ZNF624: variants seen among roughly 807,000 people sequenced by gnomAD.
ZNF624 encodes the protein zinc finger protein 624.
Under a neutral mutation model 74.7 loss-of-function variants are expected in ZNF624, and 43 were observed. That is an observed-to-expected ratio of 0.58 (90% CI 0.45 to 0.74). The LOEUF (loss-of-function observed/expected upper bound fraction) is 0.74. ZNF624 is among the 30% of genes least tolerant of loss of function. ZNF624 has a pLI of 0.00. For missense variants in ZNF624, 820 were observed against 1,030.0 expected (o/e 0.80, Z 2.79); for synonymous variants, 331 against 341.3 (o/e 0.97, Z 0.33).
At chr17:16,635,832 G>C (rs1332705208) in intron 3 of ZNF624, among the ~76,000 whole-genome samples, 1 of 150,218 alleles carries the variant, frequency 6.7e-6, no homozygotes, top group East Asian at 2.0e-4. Context: ...CCATAGTTCT[G>C]AGTTTGAATA....
chr17:16,634,703 C>T lies in ZNF624; in HGVS notation c.207G>A (p.Arg69=), dbSNP rs746938907. The T allele has an allele frequency of 6.2e-7, 1 of 1,613,832 alleles. No individual in the cohort carries two copies. The highest frequency in any genetic ancestry group is 8.5e-7 in the Non-Finnish European group (1 of 1,179,774). The part of the protein sequence containing the change: ...VAIDFTLEEW[R]LMDPTQRNLH... ...GGTTCCTCTGTGTAGGGTCCATCAACCTCCACTCCTCCAATGTGAAGTCTA... is the reference window on the plus strand; with the variant it reads ...GGTTCCTCTGTGTAGGGTCCATCAATCTCCACTCCTCCAATGTGAAGTCTA... Residue 69 remains arginine (R), a synonymous_variant, in exon 4 of 6, where the codon AGG becomes AGA. Coordinates refer to ENST00000311331, the MANE Select transcript of ZNF624 (RefSeq NM_020787.4).
intron 1 of ZNF624, chr17:16,653,478 C>T (rs1027673368): frequency 8.5e-5 from 13 of 152,396 alleles, no homozygotes; most frequent in Non-Finnish European, 1.5e-4. Context: ...GCGCCCGGCT[C>T]TTTTTAACCC....
intron 5 of ZNF624, chr17:16,631,726 GAA>G (rs1346445598): frequency 6.6e-6 from 1 of 150,978 alleles, no homozygotes; most frequent in Admixed American, 6.6e-5. Context: ...CTGTCTCAAA[GAA>G]AAAAAAGAGT....
chr17:16,641,706 A>G (rs1227469274), intron 3 of ZNF624, among the ~76,000 whole-genome samples: 1 of 152,242 alleles, frequency 6.6e-6, no homozygotes, highest in Non-Finnish European at 1.5e-5. Context: ...CAAATGATAT[A>G]ATCTCTCTAT....
chr17:16,633,756 C>T (rs1909259049), intron 5 of ZNF624, 106 bp downstream of exon 5: 8 of 832,178 alleles, frequency 9.6e-6, no homozygotes, highest in African/African-American at 3.4e-5. Flanking sequence ...TCTGAGACAG[C>T]GTTGAACAAA....
At chr17:16,652,162 C>T (rs144246508) in intron 1 of ZNF624, among the ~76,000 whole-genome samples, 245 of 152,110 alleles carry the variant, frequency 1.6e-3, no homozygotes, top group African/African-American at 5.6e-3. Flanking sequence ...TGGGGGGGTA[C>T]GGACCCATCT....
chr17:16,649,811 G>A, intron 1 of ZNF624, 65 bp from the exon 2 acceptor site: 3 of 1,326,048 alleles, frequency 2.3e-6, no homozygotes, highest in Non-Finnish European at 2.2e-6. Context: ...CACCAAGTTG[G>A]AATCCTGACA....
chr17:16,639,988 C>T (rs1909428966), intron 3 of ZNF624, among the ~76,000 whole-genome samples: 1 of 152,088 alleles, frequency 6.6e-6, no homozygotes, highest in Non-Finnish European at 1.5e-5. Context: ...AGACATTGTA[C>T]TTATTAAACA....
intron 3 of ZNF624, among the ~76,000 whole-genome samples, chr17:16,643,888 T>C (rs1909525293): frequency 1.3e-5 from 2 of 152,194 alleles, no homozygotes; most frequent in South Asian, 2.1e-4. Flanking sequence ...CAAAACCTCA[T>C]GTTCAAAACT....
chr17:16,643,850 C>T (rs1909524093), intron 3 of ZNF624, among the ~76,000 whole-genome samples: 1 of 152,124 alleles, frequency 6.6e-6, no homozygotes, highest in African/African-American at 2.4e-5. Context: ...AAACATAAAA[C>T]TGCTGCGACA....
chr17:16,626,405 T>C (rs940223922), intron 5 of ZNF624, among the ~76,000 whole-genome samples: 11 of 152,090 alleles, frequency 7.2e-5, no homozygotes, highest in Non-Finnish European at 1.5e-4. Context: ...TTTTTTGCTG[T>C]CATAGGATAT....
At chr17:16,647,009 T>C (rs1909608804) in intron 3 of ZNF624, among the ~76,000 whole-genome samples, 1 of 152,272 alleles carries the variant, frequency 6.6e-6, no homozygotes, top group Non-Finnish European at 1.5e-5. Context: ...AAACTCATCT[T>C]AACACTATTT....
chr17:16,624,037 C>G lies in ZNF624; in HGVS notation c.849G>C (p.Lys283Asn). 1 of 1,613,604 alleles carries G rather than the reference C, an allele frequency of 6.2e-7. No homozygotes were observed. Among genetic ancestry groups the G allele is most frequent in the Non-Finnish European group, 8.5e-7 (1 of 1,179,944 alleles). ...TGAGCAATGATCTATAATGAAAGGC[C>G]TTTTCGCATGTACTACATTTGTAGG... Reference protein sequence around the residue: ...EKPYKCSTCEKAFHYRSLLIQ... With the variant: ...EKPYKCSTCENAFHYRSLLIQ... Residue 283 changes from lysine to asparagine, a missense_variant, in exon 6 of 6, where the codon AAG becomes AAC. Coordinates refer to ENST00000311331, the MANE Select transcript of ZNF624 (RefSeq NM_020787.4).
downstream of ZNF624, among the ~76,000 whole-genome samples, chr17:16,619,254 A>G (rs1327807234): frequency 2.6e-5 from 4 of 152,232 alleles, no homozygotes; most frequent in South Asian, 4.1e-4. Flanking sequence ...ATAAAATAGT[A>G]GATATGTGGA....
downstream of ZNF624, chr17:16,617,762 C>A: frequency 6.2e-7 from 1 of 1,608,618 alleles, no homozygotes; most frequent in Non-Finnish European, 8.5e-7. Context: ...CCTCGAACTC[C>A]ACGAAGCCGT....
downstream of ZNF624, chr17:16,620,698 G>C (rs1334217205): frequency 6.6e-6 from 1 of 152,098 alleles, no homozygotes; most frequent in Non-Finnish European, 1.5e-5. Context: ...GTAGGTCCTG[G>C]CACATTGAAG....
At chr17:16,647,234 T>C (rs995033235) in intron 3 of ZNF624, 95 bp downstream of exon 3, 101 of 1,076,166 alleles carry the variant, frequency 9.4e-5, no homozygotes, top group Non-Finnish European at 1.3e-4. Context: ...CAAATAATCA[T>C]TGTGAACTTG....
In ZNF624 at chr17:16,636,018, C is replaced by A. The variant is rs1041902400; in HGVS notation, c.154-1262G>T. On this transcript the variant is annotated intron_variant, in intron 3 of 5. Transcript: ENST00000311331. ...CTAAAAGGAACCAGGGCCTAGAATA[C>A]CCTGACATATTAAAAAGCAAGGAAG... Among the ~76,000 whole-genome samples the A allele has an allele frequency of 3.9e-5, 6 of 152,086 alleles. No homozygotes were observed. The East Asian group carries it at 1.2e-3, about 29-fold the overall frequency.
In ZNF624 at chr17:16,634,623, T is replaced by G; in HGVS notation, c.280+7A>C. The G allele has an allele frequency of 6.2e-7, 1 of 1,611,768 alleles. No homozygotes were observed. The highest frequency in any genetic ancestry group is 2.2e-5 in the East Asian group (1 of 44,842). ...ATCAATCAACACAGAAGAGAAGTTA[T>G]CCTTACCCAGGGAGACCAGATTCCT... On this transcript the variant is annotated splice_region_variant and intron_variant, in intron 4 of 5. Transcript: ENST00000311331.
Sources: allele counts gnomAD v4.1 joint callset (sites outside exome capture counted in the v4.1 genomes callset), GRCh38; gene constraint gnomAD v4.1.1; transcripts MANE v1.5; gene names NCBI Gene and HGNC (gene_info 2026-07-23, HGNC 2026-07-21).